The following ASIC2 variants were observed in gnomAD, a reference collection of about 807,000 sequenced individuals.
The protein encoded by ASIC2 is acid sensing ion channel subunit 2.
A neutral mutation model predicts 57.3 loss-of-function variants in ASIC2; 25 were observed. The ratio of observed to expected loss-of-function variants is 0.44; its 90% confidence interval spans 0.32 to 0.61. The LOEUF is 0.61. Among genes scored for constraint, ASIC2 ranks in the 20% least tolerant of loss-of-function variants. The pLI is 0.06. For synonymous variants in ASIC2, 319 were observed against 307.5 expected (o/e 1.04, Z -0.39); for missense variants, 641 against 738.1 (o/e 0.87, Z 1.52).
chr17:33,764,089 C>G lies in ASIC2; in HGVS notation c.555+391889G>C, dbSNP rs551330540. 2.0e-5 allele frequency among the ~76,000 whole-genome samples: 3 copies of G among 152,170 alleles called. No individual in the cohort carries two copies. In the South Asian group the frequency reaches 6.2e-4, roughly 32 times the overall value. ...CAGGCGGATCACGAGGTCAGGAGAT[C>G]GAGACCATCCTGGCCAACATGGTGA... is the stretch of plus-strand genomic sequence containing the variant. On this transcript the variant is annotated intron_variant, in intron 1 of 9. Coordinates refer to the ASIC2 transcript ENST00000359872.
At chr17:33,591,414 C>T (rs369866679) in intron 1 of ASIC2, among the ~76,000 whole-genome samples, 4 of 151,902 alleles carry the variant, frequency 2.6e-5, no homozygotes. Context: ...ATGGTTAATC[C>T]ATCTTGGTGC....
intron 1 of ASIC2, among the ~76,000 whole-genome samples, chr17:33,193,789 G>C (rs529653746): frequency 6.6e-6 from 1 of 152,174 alleles, no homozygotes; most frequent in African/African-American, 2.4e-5. Flanking sequence ...ACTGATCTAG[G>C]ACCACACTTG....
chr17:33,897,456 A>G (rs143339203), intron 1 of ASIC2, among the ~76,000 whole-genome samples: 142 of 152,360 alleles, frequency 9.3e-4, no homozygotes, highest in African/African-American at 3.3e-3. Context: ...ATAGCACAGC[A>G]TCTGCTATAT....
chr17:33,080,871 A>C (rs1233998517), intron 3 of ASIC2, among the ~76,000 whole-genome samples: 1 of 152,178 alleles, frequency 6.6e-6, no homozygotes, highest in Non-Finnish European at 1.5e-5. Flanking sequence ...GCGAGATTTC[A>C]TCACGCTGTT....
Position 33,292,194 on chromosome 17 carries a change from AAGCAGC to A in ASIC2, c.-85_-80del, listed in dbSNP as rs1454622803. On this transcript the variant is annotated 5_prime_UTR_variant, in exon 1 of 10. Transcript: ENST00000225823. ...CCATGGGAGTCCGCAGCAGCAGTGGAAGCAGCAGCAGCGGCAGCCGCGCGCAGCCCG... is the reference window on the plus strand; with the variant it reads ...CCATGGGAGTCCGCAGCAGCAGTGGAAGCAGCGGCAGCCGCGCGCAGCCCG... 9.9e-7 allele frequency: 1 copy of A among 1,008,058 alleles called. No homozygotes were observed. The highest frequency in any genetic ancestry group is 1.2e-6 in the Non-Finnish European group (1 of 847,156). 62.4% of individuals were successfully genotyped at this position (1,008,058 alleles called of 1,614,324 possible).
At chr17:33,690,918 T>C (rs1285510135) in intron 1 of ASIC2, among the ~76,000 whole-genome samples, 1 of 151,588 alleles carries the variant, frequency 6.6e-6, no homozygotes, top group Non-Finnish European at 1.5e-5. Context: ...CCTGGCTAAT[T>C]TTTTGTATTT....
intron 1 of ASIC2, among the ~76,000 whole-genome samples, chr17:33,442,169 G>C (rs1911848761): frequency 6.6e-6 from 1 of 152,132 alleles, no homozygotes; most frequent in African/African-American, 2.4e-5. Flanking sequence ...GTACTTTCTT[G>C]ATTTCTGTGG....
chr17:34,095,696 T>C (rs1422180093), intron 1 of ASIC2, among the ~76,000 whole-genome samples: 2 of 143,690 alleles, frequency 1.4e-5, no homozygotes, highest in Non-Finnish European at 3.0e-5. Context: ...TATAATTTTA[T>C]ATAGAGATAT....
At chr17:33,655,014 AG>A (rs1907033809) in intron 1 of ASIC2, among the ~76,000 whole-genome samples, 1 of 152,200 alleles carries the variant, frequency 6.6e-6, no homozygotes, top group Non-Finnish European at 1.5e-5. Flanking sequence ...TTGAAAAAGC[AG>A]TCTTGGACAG....
intron 3 of ASIC2, among the ~76,000 whole-genome samples, chr17:33,033,804 G>A (rs1454960257): frequency 2.6e-5 from 4 of 152,118 alleles, no homozygotes; most frequent in Non-Finnish European, 4.4e-5. Context: ...CCCCTTCCAG[G>A]CCCACCCATG....
chr17:33,308,038 A>G (rs1906256191), intron 1 of ASIC2, among the ~76,000 whole-genome samples: 1 of 152,342 alleles, frequency 6.6e-6, no homozygotes, highest in Admixed American at 6.5e-5. Context: ...TTTTCCATGA[A>G]GGAAAGGATC....
chr17:33,846,847 C>T (rs536710298), intron 1 of ASIC2, among the ~76,000 whole-genome samples: 77 of 152,158 alleles, frequency 5.1e-4, no homozygotes, highest in Non-Finnish European at 9.7e-4. Context: ...GCCTCAGCCT[C>T]CCGACAGTGA....
intron 1 of ASIC2, among the ~76,000 whole-genome samples, chr17:33,914,362 T>C (rs1209160985): frequency 6.6e-6 from 1 of 152,160 alleles, no homozygotes; most frequent in Non-Finnish European, 1.5e-5. Flanking sequence ...AGCCAGAGCC[T>C]CTGTGAGTCA....
chr17:33,628,956 G>A (rs1906074958), intron 1 of ASIC2, among the ~76,000 whole-genome samples: 1 of 152,174 alleles, frequency 6.6e-6, no homozygotes, highest in African/African-American at 2.4e-5. Flanking sequence ...TCAGCACAGT[G>A]TTGGGAATAC....
At chr17:33,832,502 A>G (rs1913146496) in intron 1 of ASIC2, among the ~76,000 whole-genome samples, 1 of 152,200 alleles carries the variant, frequency 6.6e-6, no homozygotes, top group African/African-American at 2.4e-5. Context: ...GGAGAGATAC[A>G]CTGGCAGTGA....
intron 1 of ASIC2, among the ~76,000 whole-genome samples, chr17:33,868,820 T>A (rs1914313683): frequency 6.6e-6 from 1 of 152,172 alleles, no homozygotes; most frequent in Non-Finnish European, 1.5e-5. Flanking sequence ...TCCCACCACT[T>A]TGGGAGGCCA....
chr17:33,145,788 C>T (rs1223062577), intron 1 of ASIC2, among the ~76,000 whole-genome samples: 1 of 152,166 alleles, frequency 6.6e-6, no homozygotes, highest in Non-Finnish European at 1.5e-5. Flanking sequence ...CTCCTTTCGC[C>T]CCATGACCAA....
intron 3 of ASIC2, among the ~76,000 whole-genome samples, chr17:33,085,415 C>A (rs952010004): frequency 3.3e-5 from 5 of 152,190 alleles, no homozygotes; most frequent in Non-Finnish European, 7.4e-5. Context: ...TGCCTCTTAA[C>A]AATCAATGAA....
chr17:33,871,279 T>G (rs1914398298), intron 1 of ASIC2, among the ~76,000 whole-genome samples: 1 of 152,196 alleles, frequency 6.6e-6, no homozygotes, highest in Admixed American at 6.5e-5. Flanking sequence ...CTGCAGCAAG[T>G]TAACACCTTG....
Sources: allele counts gnomAD v4.1 joint callset (sites outside exome capture counted in the v4.1 genomes callset), GRCh38; gene constraint gnomAD v4.1.1; transcripts MANE v1.5; gene names NCBI Gene and HGNC (gene_info 2026-07-23, HGNC 2026-07-21).